The following CP variants were observed in gnomAD, a reference collection of about 807,000 sequenced individuals.
CP encodes the protein ceruloplasmin.
CP carries 64 observed loss-of-function variants against 122.4 expected under a neutral mutation model. The observed-to-expected ratio is 0.52, with a 90% CI of 0.43 to 0.64. The LOEUF (loss-of-function observed/expected upper bound fraction) is 0.64, where lower values mean the gene tolerates loss of function less well. Ranked by LOEUF, CP falls within the 30% of genes least tolerant of loss-of-function variation. The pLI, the probability that CP is intolerant of heterozygous loss-of-function variation, is 0.00. For missense variants in CP, 1,167 were observed against 1,284.4 expected (o/e 0.91, Z 1.40); for synonymous variants, 440 against 436.4 (o/e 1.01, Z -0.10).
intron 2 of CP, among the ~76,000 whole-genome samples, chr3:149,211,671 A>C (rs1394001567): frequency 6.6e-6 from 1 of 152,206 alleles, no homozygotes; most frequent in Non-Finnish European, 1.5e-5. Context: ...TACTTATGCC[A>C]CCTTAGCTGG....
intron 8 of CP, 61 bp downstream of exon 8, chr3:149,199,651 A>G: frequency 1.3e-6 from 2 of 1,585,484 alleles, no homozygotes; most frequent in Non-Finnish European, 1.7e-6. Flanking sequence ...GCATACTGTC[A>G]GTGACCAGTA....
intron 9 of CP, among the ~76,000 whole-genome samples, chr3:149,193,252 G>A (rs1046548843): frequency 3.3e-5 from 5 of 152,110 alleles, no homozygotes; most frequent in Admixed American, 3.3e-4. Flanking sequence ...TTCCCATGAA[G>A]TAAAAATGGG....
chr3:149,204,925 C>T (rs1306254405), intron 6 of CP, among the ~76,000 whole-genome samples: 4 of 152,008 alleles, frequency 2.6e-5, no homozygotes, highest in African/African-American at 9.7e-5. Context: ...GAAAGACAAC[C>T]TATAGAATGC....
intron 9 of CP, among the ~76,000 whole-genome samples, chr3:149,190,342 G>A (rs1260257891): frequency 6.6e-6 from 1 of 152,054 alleles, no homozygotes; most frequent in African/African-American, 2.4e-5. Context: ...TAGTACTCAT[G>A]GATGAAATAA....
At chr3:149,168,218 T>G (rs1485473884), downstream of CP, 9 of 473,766 alleles carry the variant, frequency 1.9e-5, no homozygotes, top group Non-Finnish European at 2.3e-5. Flanking sequence ...CTTAACAAAT[T>G]ATCACAGTCA....
chr3:149,221,558 G>C, intron 1 of CP, 89 bp downstream of exon 1: 4 of 1,333,892 alleles, frequency 3.0e-6, no homozygotes, highest in Non-Finnish European at 4.1e-6. Flanking sequence ...CTGTATATAA[G>C]AAATTTTAAA....
rs138283391 is a variant in CP at position 149,197,958 on chromosome 3, C to T, written c.1713+409G>A. On this transcript the variant is annotated intron_variant, in intron 9 of 18. Coordinates refer to ENST00000264613, the MANE Select transcript of CP (RefSeq NM_000096.4). ...GTGTGTGTGGGGGATGTTGGGGACC[C>T]CTGTGTTAAATGATACCATACGATA... Among the ~76,000 whole-genome samples the T allele has an allele frequency of 2.6e-5, 4 of 152,154 alleles. No individual in the cohort carries two copies. The East Asian group carries it at 7.7e-4, about 29-fold the overall frequency.
intron 14 of CP, among the ~76,000 whole-genome samples, chr3:149,181,048 G>T (rs1725740417): frequency 6.6e-6 from 1 of 152,120 alleles, no homozygotes; most frequent in African/African-American, 2.4e-5. Context: ...GATTATTGCA[G>T]TGGTCCTTAA....
At position 149,185,253 on chromosome 3, in the gene CP, A is replaced by G; in HGVS notation, c.2271T>C (p.His757=). ...PQREWEKELH[H]LQEQNVSNAF... ...TGGAGAATTACTTCTGCTCTTGTAAATGATGCAGCTCCTTTTCCCACTCCC... is the reference window on the plus strand; with the variant it reads ...TGGAGAATTACTTCTGCTCTTGTAAGTGATGCAGCTCCTTTTCCCACTCCC... The change falls in exon 12 of 19, where the codon CAT becomes CAC. Residue 757 remains histidine, a synonymous_variant. Transcript: ENST00000264613. 6.2e-7 allele frequency: 1 copy of G among 1,612,858 alleles called. No homozygotes were observed. The highest frequency in any genetic ancestry group is 1.1e-5 in the South Asian group (1 of 91,014).
intron 6 of CP, among the ~76,000 whole-genome samples, chr3:149,205,843 G>A (rs1248149376): frequency 2.6e-5 from 4 of 152,158 alleles, no homozygotes; most frequent in African/African-American, 9.7e-5. Flanking sequence ...ATGCAATAGT[G>A]TAACTGTACT....
At chr3:149,203,868 A>C (rs979105438) in intron 6 of CP, among the ~76,000 whole-genome samples, 9 of 152,170 alleles carry the variant, frequency 5.9e-5, no homozygotes, top group African/African-American at 2.2e-4. Context: ...TAATAAGCAC[A>C]GGGTATTATG....
At chr3:149,214,170 T>C (rs1434427261) in intron 1 of CP, among the ~76,000 whole-genome samples, 1 of 152,058 alleles carries the variant, frequency 6.6e-6, no homozygotes, top group East Asian at 1.9e-4. Context: ...CCTGATACCA[T>C]GAGACAGAAA....
Position 149,186,699 on chromosome 3 carries a change from C to T in CP, c.1898G>A (p.Gly633Asp), listed in dbSNP as rs760756752. ...CGAATCTCCTTTGCACATAGTGAGACCCGGCTGATTCCCATACATGAATCC... is the reference window on the plus strand; with the variant it reads ...CGAATCTCCTTTGCACATAGTGAGATCCGGCTGATTCCCATACATGAATCC... ...MNGFMYGNQPGLTMCKGDSVV... is the reference protein window; with the variant it reads ...MNGFMYGNQPDLTMCKGDSVV... The change falls in exon 11 of 19, where the codon GGT becomes GAT. Residue 633 changes from glycine (G) to aspartate (D), a missense_variant. By Grantham distance (94) the Gly-to-Asp change is moderately conservative. Transcript: ENST00000264613. 1 of 1,614,130 alleles carries T rather than the reference C, an allele frequency of 6.2e-7. No homozygotes were observed. Among genetic ancestry groups the T allele is most frequent in the Non-Finnish European group, 8.5e-7 (1 of 1,180,022 alleles).
downstream of CP, chr3:149,172,047 A>G (rs908683360): frequency 6.3e-7 from 1 of 1,591,076 alleles, no homozygotes; most frequent in Admixed American, 1.7e-5. Context: ...AAGAGATTGA[A>G]TGAAAGACAG....
At chr3:149,193,633 T>A (rs1217671306) in intron 9 of CP, among the ~76,000 whole-genome samples, 1 of 152,200 alleles carries the variant, frequency 6.6e-6, no homozygotes, top group Admixed American at 6.5e-5. Flanking sequence ...GTTATAAAGG[T>A]CAGGAACTTG....
At chr3:149,165,434 G>A (rs1393297851) in intron 5 of CP, among the ~76,000 whole-genome samples, 2 of 151,964 alleles carry the variant, frequency 1.3e-5, no homozygotes, top group Non-Finnish European at 2.9e-5. Context: ...TATTAAAGGA[G>A]CAAAATCTTT....
At chr3:149,190,019 T>G (rs545218384) in intron 9 of CP, among the ~76,000 whole-genome samples, 2 of 152,096 alleles carry the variant, frequency 1.3e-5, no homozygotes, top group Non-Finnish European at 2.9e-5. Flanking sequence ...CTTTTTATCT[T>G]AAGACTAAAT....
In CP at chr3:149,210,374, T is replaced by C; in HGVS notation, c.400A>G (p.Ile134Val). The C allele has an allele frequency of 6.2e-7, 1 of 1,614,004 alleles. No individual in the cohort carries two copies. The highest frequency in any genetic ancestry group is 8.5e-7 in the Non-Finnish European group (1 of 1,179,888). Residue 134 changes from isoleucine to valine, a missense_variant, in exon 3 of 19, where the codon ATC becomes GTC. Coordinates refer to ENST00000264613, the MANE Select transcript of CP (RefSeq NM_000096.4). Reference sequence around the variant, plus strand: ...AAATCTGTGGTGTTATCAGGGTAGATGGCCCCTAGGAAGCAACATGCAATG... The same window carrying C: ...AAATCTGTGGTGTTATCAGGGTAGACGGCCCCTAGGAAGCAACATGCAATG... The part of the protein sequence containing the change: ...ITYYKEHEGA[I>V]YPDNTTDFQR...
intron 18 of CP, among the ~76,000 whole-genome samples, chr3:149,175,450 T>C (rs893939045): frequency 9.2e-5 from 14 of 152,204 alleles, no homozygotes; most frequent in Admixed American, 3.9e-4. Flanking sequence ...TCTTCAAATA[T>C]ATTTACATTT....
Sources: gnomAD v4.1 joint callset for allele counts (sites outside exome capture counted in the v4.1 genomes callset) on GRCh38, gnomAD v4.1.1 for gene constraint, MANE v1.5 for transcripts, NCBI Gene and HGNC (gene_info 2026-07-23, HGNC 2026-07-21) for gene names.